KMT2E: variants seen among roughly 807,000 people sequenced by gnomAD.
KMT2E encodes the protein histone reader KMT2E.
Under a neutral mutation model 184.6 loss-of-function variants are expected in KMT2E, and 30 were observed. The ratio of observed to expected loss-of-function variants is 0.16; its 90% CI spans 0.12 to 0.22. The LOEUF is 0.22. Ranked by LOEUF, KMT2E falls within the 10% of genes least tolerant of loss-of-function variation. KMT2E has a pLI of 1.00. For synonymous variants in KMT2E, 815 were observed against 776.5 expected (o/e 1.05, Z -0.82); for missense variants, 2,023 against 2,237.4 (o/e 0.90, Z 1.93).
At chr7:105,031,629 G>C (rs553563964) in intron 1 of KMT2E, among the ~76,000 whole-genome samples, 37 of 150,028 alleles carry the variant, frequency 2.5e-4, no homozygotes, top group Admixed American at 1.7e-3. Context: ...GCGGGCACCT[G>C]TAATGCCACC....
chr7:105,071,895 T>G (rs1457195785), intron 6 of KMT2E, among the ~76,000 whole-genome samples: 4 of 152,066 alleles, frequency 2.6e-5, no homozygotes, highest in African/African-American at 9.7e-5. Context: ...TGGTGTGCAT[T>G]TCTCTTACTT....
At chr7:105,065,958 A>G (rs1055846291) in intron 5 of KMT2E, among the ~76,000 whole-genome samples, 2 of 152,220 alleles carry the variant, frequency 1.3e-5, no homozygotes, top group Non-Finnish European at 2.9e-5. Context: ...CATGTATTCT[A>G]TTAAAAGTAA....
At position 105,063,508 on chromosome 7, in the gene KMT2E, G is replaced by A; in HGVS notation, c.344G>A (p.Gly115Asp). ...TISTSEDGSY[G>D]TDVTRCICGF... ...AGCACATCTGAGGATGGAAGTTATGGTACTGATGTAACCAGGTGCATATGT... is the reference window on the plus strand; with the variant it reads ...AGCACATCTGAGGATGGAAGTTATGATACTGATGTAACCAGGTGCATATGT... The change falls in exon 5 of 27, where the codon GGT becomes GAT. Residue 115 changes from glycine to aspartate, a missense_variant. Gly to Asp is a moderately conservative substitution (Grantham distance 94). This residue lies in a region of KMT2E where 30 missense variants were observed against 80.6 expected (regional missense o/e 0.37). Transcript: ENST00000311117. 1.9e-6 allele frequency: 3 copies of A among 1,613,684 alleles called. No homozygotes were observed. Among genetic ancestry groups the A allele is most frequent in the Non-Finnish European group, 2.5e-6 (3 of 1,179,826 alleles).
At position 105,111,992 on chromosome 7, in the gene KMT2E, A is replaced by G. The variant is rs143536518; in HGVS notation, c.4236A>G (p.Ser1412=). Residue 1412 remains serine (S), a synonymous_variant, in exon 27 of 27, where the codon TCA becomes TCG. Coordinates refer to ENST00000311117, the MANE Select transcript of KMT2E (RefSeq NM_182931.3). ...KQLSNNNQAL[S]KNHPPQTHVR... is the part of the protein sequence containing the mutation. ...TATCAAATAACAACCAAGCACTTTC[A>G]AAGAATCATCCTCCTCAGACACACG... 4 of 1,614,102 alleles carry G rather than the reference A, an allele frequency of 2.5e-6. No homozygotes were observed. The African/African-American group carries it at 5.3e-5, about 22-fold the overall frequency.
intron 17 of KMT2E, chr7:105,104,161 A>C (rs1158361096): frequency 1.3e-5 from 2 of 152,156 alleles, no homozygotes; most frequent in Middle Eastern, 3.2e-3. Flanking sequence ...TTGGAAATTA[A>C]AATATCATTT....
At chr7:105,086,842 CAT>C in intron 13 of KMT2E, among the ~76,000 whole-genome samples, 1 of 144,248 alleles carries the variant, frequency 6.9e-6, no homozygotes, top group Non-Finnish European at 1.5e-5. Flanking sequence ...CATGAGCTAG[CAT>C]ATATAGTATA....
intron 1 of KMT2E, among the ~76,000 whole-genome samples, chr7:105,017,881 G>A (rs566553346): frequency 1.3e-5 from 2 of 152,050 alleles, no homozygotes; most frequent in Middle Eastern, 3.4e-3. Flanking sequence ...TCCATTTCCC[G>A]TCAACTCTGT....
rs1469065874 is a variant in KMT2E, at chr7:105,114,788, A to ATGAT, written c.*1456_*1459dup. ...TTTATTTCCTTTTGAAAATTAGCTA[A>ATGAT]TGATGGTACATTAACGCAGCTCACT... On this transcript the variant is annotated 3_prime_UTR_variant, in exon 27 of 27. Coordinates refer to ENST00000311117, the MANE Select transcript of KMT2E (RefSeq NM_182931.3). 3.3e-5 allele frequency among the ~76,000 whole-genome samples: 5 copies of ATGAT among 152,176 alleles called. No homozygotes were observed. The highest frequency in any genetic ancestry group is 2.6e-4 in the Admixed American group (4 of 15,274).
At chr7:105,079,979 G>A (rs993878418) in intron 12 of KMT2E, among the ~76,000 whole-genome samples, 1 of 151,932 alleles carries the variant, frequency 6.6e-6, no homozygotes, top group African/African-American at 2.4e-5. Flanking sequence ...GAGTAGCTGG[G>A]ACCACAGGTG....
chr7:105,079,069 G>C, intron 12 of KMT2E, 106 bp downstream of exon 12: 2 of 615,698 alleles, frequency 3.2e-6, no homozygotes, highest in Non-Finnish European at 6.0e-6. Flanking sequence ...CTTTCCACCT[G>C]TTGGTGCATT....
At position 105,053,933 on chromosome 7, in the gene KMT2E, C is replaced by T. The variant is rs914842821; in HGVS notation, c.72-8231C>T. Among the ~76,000 whole-genome samples, 58 of 151,842 alleles carry T rather than the reference C, an allele frequency of 3.8e-4. 1 individual carries two copies. The highest frequency in any genetic ancestry group is 1.4e-3 in the African/African-American group (56 of 41,374). On this transcript the variant is annotated intron_variant, in intron 3 of 26. Coordinates refer to ENST00000311117, the MANE Select transcript of KMT2E (RefSeq NM_182931.3). Reference sequence around the variant, plus strand: ...ACATGCCTGTAATCTCAGCACTTTGCGAGCCAAGGTGGGCAGATCACCTGG... The same window carrying T: ...ACATGCCTGTAATCTCAGCACTTTGTGAGCCAAGGTGGGCAGATCACCTGG...
Position 105,098,439 on chromosome 7 carries a change from C to T in KMT2E, c.1723-2986C>T, listed in dbSNP as rs187303400. On this transcript the variant is annotated intron_variant, in intron 15 of 26. Coordinates refer to ENST00000311117, the MANE Select transcript of KMT2E (RefSeq NM_182931.3). ...GTTTGTTTCCTGAGACAGAGTCTTGCTTTGTCACCTGGCTGGAGTGCAGTG... is the reference window on the plus strand; with the variant it reads ...GTTTGTTTCCTGAGACAGAGTCTTGTTTTGTCACCTGGCTGGAGTGCAGTG... Among the ~76,000 whole-genome samples, 16 of 152,120 alleles carry T rather than the reference C, an allele frequency of 1.1e-4. No homozygotes were observed. The South Asian group carries it at 1.7e-3, about 16-fold the overall frequency.
chr7:105,049,694 C>T (rs1796249109), intron 3 of KMT2E, among the ~76,000 whole-genome samples: 1 of 152,034 alleles, frequency 6.6e-6, no homozygotes, highest in South Asian at 2.1e-4. Flanking sequence ...AATTCGAGAC[C>T]AGCCTGCCGA....
intron 20 of KMT2E, 124 bp downstream of exon 20, chr7:105,106,896 T>A: frequency 1.0e-6 from 1 of 972,802 alleles, no homozygotes; most frequent in Non-Finnish European, 1.5e-6. Flanking sequence ...TGTAAGAAAC[T>A]AAAAATCAGA....
chr7:105,017,700 G>T (rs1441355910), intron 1 of KMT2E, among the ~76,000 whole-genome samples: 2 of 152,102 alleles, frequency 1.3e-5, no homozygotes, highest in Non-Finnish European at 2.9e-5. Flanking sequence ...GGATAGCTGA[G>T]TTTGAAGGAT....
At chr7:105,051,436 C>T (rs888116026) in intron 3 of KMT2E, among the ~76,000 whole-genome samples, 10 of 151,916 alleles carry the variant, frequency 6.6e-5, no homozygotes, top group African/African-American at 1.2e-4. Context: ...ACGCCCGCCT[C>T]GGCCTACCAA....
intron 21 of KMT2E, 68 bp downstream of exon 21, chr7:105,107,290 C>A: frequency 6.6e-7 from 1 of 1,504,684 alleles, no homozygotes; most frequent in Non-Finnish European, 9.0e-7. Flanking sequence ...CCTTAAATTA[C>A]TGGTAAATTT....
intron 22 of KMT2E, among the ~76,000 whole-genome samples, chr7:105,108,367 G>A (rs1027227625): frequency 6.6e-6 from 1 of 152,146 alleles, no homozygotes; most frequent in Non-Finnish European, 1.5e-5. Context: ...TTTACTAATA[G>A]TTAATGTATT....
At chr7:105,053,071 A>G (rs1418707934) in intron 3 of KMT2E, among the ~76,000 whole-genome samples, 1 of 152,186 alleles carries the variant, frequency 6.6e-6, no homozygotes, top group African/African-American at 2.4e-5. Context: ...AATTGAATGA[A>G]AAGTCCCTCA....
Sources: allele counts gnomAD v4.1 joint callset (sites outside exome capture counted in the v4.1 genomes callset), GRCh38; gene constraint gnomAD v4.1.1; regional missense constraint gnomAD v4.1.1; transcripts MANE v1.5; gene names NCBI Gene and HGNC (gene_info 2026-07-23, HGNC 2026-07-21).